The following TRDN variants were observed in gnomAD, a reference collection of about 807,000 sequenced individuals.
The protein encoded by TRDN is triadin in skeletal muscle.
Under a neutral mutation model 149.7 loss-of-function variants are expected in TRDN, and 161 were observed. The ratio of observed to expected loss-of-function variants is 1.08; its 90% CI spans 0.95 to 1.23. The LOEUF (loss-of-function observed/expected upper bound fraction) is 1.23, where lower values mean the gene tolerates loss of function less well. Among genes scored for constraint, TRDN ranks in the 50% most tolerant of loss-of-function variants. The pLI is 0.00. For synonymous variants in TRDN, 294 were observed against 250.5 expected (o/e 1.17, Z -1.64); for missense variants, 896 against 823.5 (o/e 1.09, Z -1.08).
intron 20 of TRDN, among the ~76,000 whole-genome samples, chr6:123,363,827 C>T (rs1780987561): frequency 6.6e-6 from 1 of 152,206 alleles, no homozygotes. Flanking sequence ...AAATACTGTT[C>T]AATCAAGCCT....
At position 123,499,719 on chromosome 6, in the gene TRDN, A is replaced by AAAAATAT; in HGVS notation, c.794-2468_794-2467insATATTTT. Among the ~76,000 whole-genome samples the AAAAATAT allele has an allele frequency of 1.9e-3, 91 of 47,668 alleles. 6 individuals are homozygous for AAAAATAT. The highest frequency in any genetic ancestry group is 0.014 in the East Asian group (27 of 1,906). The allele number at this position is 47,668 out of a possible 152,430, so 31.3% of individuals were successfully genotyped here. A position where few individuals can be genotyped will look rare whatever the true frequency, so the allele number is the denominator to read the frequency against. ...ATTCTGGCTCAAAAAAAAAAAAAAA[A>AAAAATAT]ATATATATATATATATATATATATA... is the stretch of plus-strand genomic sequence containing the variant. On this transcript the variant is annotated intron_variant, in intron 8 of 40. Transcript: ENST00000334268.
intron 10 of TRDN, among the ~76,000 whole-genome samples, chr6:123,447,521 C>G (rs1775458669): frequency 6.6e-6 from 1 of 152,000 alleles, no homozygotes; most frequent in South Asian, 2.1e-4. Context: ...CCTGTGGGGC[C>G]CAGCATGAAC....
intron 1 of TRDN, among the ~76,000 whole-genome samples, chr6:123,614,090 G>A (rs1583324782): frequency 6.6e-6 from 1 of 151,748 alleles, no homozygotes; most frequent in Non-Finnish European, 1.5e-5. Flanking sequence ...TACCTGGGGG[G>A]CTTGTTAGGA....
chr6:123,351,935 A>T, intron 21 of TRDN: 1 of 983,560 alleles, frequency 1.0e-6, no homozygotes, highest in Non-Finnish European at 1.2e-6. Flanking sequence ...TCTCAAGCAG[A>T]GTCTGGAGTG....
intron 10 of TRDN, among the ~76,000 whole-genome samples, chr6:123,443,622 CA>C (rs1775084672): frequency 6.6e-6 from 1 of 152,082 alleles, no homozygotes; most frequent in Non-Finnish European, 1.5e-5. Flanking sequence ...GAAATCCCGT[CA>C]CGACTAAAAA....
chr6:123,221,441 T>A, intron 40 of TRDN, 46 bp downstream of exon 40: 1 of 1,407,572 alleles, frequency 7.1e-7, no homozygotes, highest in Non-Finnish European at 9.8e-7. Flanking sequence ...ATGTAGCATC[T>A]TTAATACAGA....
chr6:123,625,760 A>G lies in TRDN; in HGVS notation c.22+10994T>C, dbSNP rs116514823. Among the ~76,000 whole-genome samples, 179 of 152,316 alleles carry G rather than the reference A, an allele frequency of 1.2e-3. 1 individual carries two copies. The highest frequency in any genetic ancestry group is 4.2e-3 in the African/African-American group (175 of 41,570). ...GAGCCAACAAGATTGAAAATAAAAA[A>G]TACTTTATTGCTAAAAAATACTAAC... is the stretch of plus-strand genomic sequence containing the variant. On this transcript the variant is annotated intron_variant, in intron 1 of 40. Transcript: ENST00000334268.
chr6:123,529,290 A>G, intron 5 of TRDN: 1 of 1,548,996 alleles, frequency 6.5e-7, no homozygotes, highest in Non-Finnish European at 8.7e-7. Context: ...GCTGTGTCCA[A>G]CTTCTGTGAT....
intron 23 of TRDN, among the ~76,000 whole-genome samples, chr6:123,325,174 T>A (rs891578597): frequency 3.3e-5 from 5 of 152,156 alleles, no homozygotes; most frequent in Non-Finnish European, 1.5e-5. Flanking sequence ...TAAGATTATT[T>A]TTAGTGGTTA....
intron 12 of TRDN, among the ~76,000 whole-genome samples, chr6:123,407,722 G>A (rs919670548): frequency 6.6e-6 from 1 of 151,698 alleles, no homozygotes; most frequent in South Asian, 2.1e-4. Flanking sequence ...TTATTTTGAA[G>A]GATCAAACAG....
At chr6:123,488,513 T>C (rs1236941658) in intron 9 of TRDN, among the ~76,000 whole-genome samples, 3 of 152,186 alleles carry the variant, frequency 2.0e-5, no homozygotes, top group Admixed American at 1.3e-4. Context: ...CAACAGCTTC[T>C]AAATAATCTT....
intron 38 of TRDN, among the ~76,000 whole-genome samples, chr6:123,234,394 A>T (rs2114528660): frequency 6.6e-6 from 1 of 152,254 alleles, no homozygotes; most frequent in Admixed American, 6.5e-5. Context: ...GTAGCCAGAA[A>T]TAAGCTTTCA....
rs531079286 is a variant in TRDN, at chr6:123,395,842, C to T, written c.1052-2165G>A. 2.0e-5 allele frequency among the ~76,000 whole-genome samples: 3 copies of T among 152,264 alleles called. No individual in the cohort carries two copies. In the East Asian group the frequency reaches 5.8e-4, roughly 29 times the overall value. On this transcript the variant is annotated intron_variant, in intron 12 of 40. Coordinates refer to ENST00000334268, the MANE Select transcript of TRDN (RefSeq NM_006073.4). ...TTAAAGTTCATTTATGAGGTTGGTG[C>T]AAATGCAATTGCAGTTGCACGAACC...
intron 38 of TRDN, among the ~76,000 whole-genome samples, chr6:123,251,051 A>G (rs1776353869): frequency 6.6e-6 from 1 of 152,106 alleles, no homozygotes; most frequent in African/African-American, 2.4e-5. Flanking sequence ...GTCAGCTCTC[A>G]TTACCTTTGG....
intron 37 of TRDN, among the ~76,000 whole-genome samples, chr6:123,252,724 A>C (rs1446153599): frequency 6.6e-6 from 1 of 152,088 alleles, no homozygotes; most frequent in Non-Finnish European, 1.5e-5. Flanking sequence ...GTGCTCAAGC[A>C]ATCCTCCCTC....
intron 21 of TRDN, among the ~76,000 whole-genome samples, chr6:123,339,114 C>T (rs1231694961): frequency 1.3e-5 from 2 of 151,896 alleles, no homozygotes; most frequent in East Asian, 1.9e-4. Context: ...AAGTGATTCT[C>T]CTGCCTCAGC....
intron 2 of TRDN, among the ~76,000 whole-genome samples, chr6:123,569,853 A>G (rs915353684): frequency 8.5e-5 from 13 of 152,204 alleles, no homozygotes; most frequent in Non-Finnish European, 1.0e-4. Flanking sequence ...TGCTAGGCCC[A>G]TGTCCAACAC....
chr6:123,470,217 C>G (rs1014775379), intron 9 of TRDN: 2 of 151,750 alleles, frequency 1.3e-5, no homozygotes, highest in Admixed American at 6.6e-5. Flanking sequence ...ATAGGACTTC[C>G]TCTGAGGATA....
At position 123,380,414 on chromosome 6, in the gene TRDN, T is replaced by C. The variant is rs370004714; in HGVS notation, c.1186+956A>G. On this transcript the variant is annotated intron_variant, in intron 16 of 40. Transcript: ENST00000334268. ...GTTTATAGAGTGCTTTCTGTATCTC[T>C]GTGCCAGTACTCATCAGTAGCTCTG... Among the ~76,000 whole-genome samples the C allele has an allele frequency of 4.6e-5, 7 of 152,226 alleles. No homozygotes were observed. In the South Asian group the frequency reaches 1.4e-3, roughly 32 times the overall value.
Sources: allele counts gnomAD v4.1 joint callset (sites outside exome capture counted in the v4.1 genomes callset), GRCh38; gene constraint gnomAD v4.1.1; transcripts MANE v1.5; gene names NCBI Gene and HGNC (gene_info 2026-07-23, HGNC 2026-07-21).